The following SNX25 variants were observed in gnomAD, a reference collection of about 807,000 sequenced individuals.
SNX25 encodes sorting nexin-25.
A neutral mutation model predicts 113.7 loss-of-function variants in SNX25; 62 were observed. The ratio of observed to expected loss-of-function variants is 0.55; its 90% CI spans 0.44 to 0.67. SNX25 has a LOEUF of 0.67. Among genes scored for constraint, SNX25 ranks in the 30% least tolerant of loss-of-function variants. SNX25 has a pLI of 0.00. For missense variants in SNX25, 1,014 were observed against 1,161.0 expected, an observed-to-expected ratio of 0.87 and a Z score of 1.84; for synonymous variants, 421 against 436.2, an observed-to-expected ratio of 0.97 and a Z score of 0.43.
intron 5 of SNX25, among the ~76,000 whole-genome samples, chr4:185,281,842 G>A (rs1309146205): frequency 1.3e-5 from 2 of 151,792 alleles, no homozygotes; most frequent in African/African-American, 2.4e-5. Context: ...ATGGTGAAAC[G>A]TCATCTCTAC....
chr4:185,346,584 G>T lies in SNX25; in HGVS notation c.2235G>T (p.Leu745=). Residue 745 remains leucine, a synonymous_variant, in exon 13 of 19, where the codon CTG becomes CTT. Transcript: ENST00000652585. ...TCCAGTTGCCTTCTCTTAGCAAGCT[G>T]CCTTTCAAATCTATAGATCAAAAGT... ...KKVQLPSLSK[L]PFKSIDQKFM... 1 of 1,597,268 alleles carries T rather than the reference G, an allele frequency of 6.3e-7. No individual in the cohort carries two copies. The highest frequency in any genetic ancestry group is 2.3e-5 in the East Asian group (1 of 44,112).
At chr4:185,244,678 G>T (rs953820164) in intron 1 of SNX25, among the ~76,000 whole-genome samples, 7 of 152,030 alleles carry the variant, frequency 4.6e-5, no homozygotes, top group Non-Finnish European at 7.4e-5. Context: ...ATATGATTAT[G>T]ATTAAGATTT....
downstream of SNX25, among the ~76,000 whole-genome samples, chr4:185,367,835 T>C (rs1404522199): frequency 6.6e-6 from 1 of 152,160 alleles, no homozygotes; most frequent in Non-Finnish European, 1.5e-5. Context: ...AGTTTTCACC[T>C]TCAGAGAAAA....
chr4:185,216,279 AAGG>A (rs1738795779), intron 1 of SNX25, among the ~76,000 whole-genome samples: 1 of 152,198 alleles, frequency 6.6e-6, no homozygotes, highest in Non-Finnish European at 1.5e-5. Flanking sequence ...ATGTATTCAA[AAGG>A]AGAAGTTTTT....
chr4:185,345,217 CT>C (rs1287123513), intron 12 of SNX25, among the ~76,000 whole-genome samples: 4 of 152,178 alleles, frequency 2.6e-5, no homozygotes, highest in Non-Finnish European at 5.9e-5. Context: ...TACCCCTGCC[CT>C]TTCCTACGGT....
intron 9 of SNX25, among the ~76,000 whole-genome samples, chr4:185,325,054 C>T (rs953855137): frequency 6.6e-6 from 1 of 152,170 alleles, no homozygotes; most frequent in African/African-American, 2.4e-5. Context: ...GATTTTGTTT[C>T]CAAACCAAGA....
chr4:185,283,207 A>G (rs1186088871), intron 5 of SNX25, among the ~76,000 whole-genome samples: 4 of 152,234 alleles, frequency 2.6e-5, no homozygotes, highest in Non-Finnish European at 2.9e-5. Context: ...GACTATAAGT[A>G]GCTAAGTAGG....
intron 5 of SNX25, among the ~76,000 whole-genome samples, chr4:185,280,887 G>A (rs1163066449): frequency 6.6e-6 from 1 of 152,190 alleles, no homozygotes; most frequent in African/African-American, 2.4e-5. Flanking sequence ...CAGTTATGGG[G>A]TTTCTGGACT....
chr4:185,285,742 G>A (rs1454702958), intron 5 of SNX25, among the ~76,000 whole-genome samples: 5 of 152,184 alleles, frequency 3.3e-5, no homozygotes, highest in East Asian at 1.9e-4. Flanking sequence ...AACTCCTCCC[G>A]TCTTCTTACT....
At chr4:185,281,402 G>T (rs895790800) in intron 5 of SNX25, among the ~76,000 whole-genome samples, 12 of 152,060 alleles carry the variant, frequency 7.9e-5, no homozygotes, top group African/African-American at 2.9e-4. Context: ...ACCCTATAAA[G>T]AAAAATTACT....
rs548555320 is a variant in SNX25, at chr4:185,286,324, T to C, written c.1092-1688T>C. Among the ~76,000 whole-genome samples, 20 of 152,178 alleles carry C rather than the reference T, an allele frequency of 1.3e-4. No individual in the cohort carries two copies. In the South Asian group the frequency reaches 4.1e-3, roughly 32 times the overall value. On this transcript the variant is annotated intron_variant, in intron 5 of 18. Coordinates refer to ENST00000652585, the MANE Select transcript of SNX25 (RefSeq NM_001378034.2). ...AGAGATGAGATCTCACTATACTGCCTAGGCTCTTGAACTCCTGGCCTCAAA... is the reference window on the plus strand; with the variant it reads ...AGAGATGAGATCTCACTATACTGCCCAGGCTCTTGAACTCCTGGCCTCAAA...
At chr4:185,285,815 C>G (rs1325866427) in intron 5 of SNX25, among the ~76,000 whole-genome samples, 2 of 152,158 alleles carry the variant, frequency 1.3e-5, no homozygotes, top group Admixed American at 1.3e-4. Context: ...CTCTGTTGCC[C>G]AGGCTGGAGT....
chr4:185,285,799 G>A (rs977777751), intron 5 of SNX25, among the ~76,000 whole-genome samples: 1 of 152,120 alleles, frequency 6.6e-6, no homozygotes, highest in Admixed American at 6.5e-5. Flanking sequence ...TTGAGACGGG[G>A]TCTTGCTCTG....
the SNX25 span, among the ~76,000 whole-genome samples, chr4:185,376,572 G>A: frequency 3.9e-4 from 59 of 151,920 alleles, no homozygotes; most frequent in Non-Finnish European, 4.1e-4. Flanking sequence ...GGGATTACAG[G>A]CGTGAGCCAC....
In SNX25 at chr4:185,303,938, TA is replaced by T. The variant is rs751333620; in HGVS notation, c.1163-6696del. Reference sequence around the variant, plus strand: ...GCCTCAGGTTGAAAAGTAAGGCAAATATTTTTTTGAGTTCCTTAGCAACTGT... The same window carrying T: ...GCCTCAGGTTGAAAAGTAAGGCAAATTTTTTTTGAGTTCCTTAGCAACTGT... On this transcript the variant is annotated intron_variant, in intron 6 of 18. Transcript: ENST00000652585. Among the ~76,000 whole-genome samples the T allele has an allele frequency of 4.1e-4, 63 of 152,254 alleles. 1 individual carries two copies. The highest frequency in any genetic ancestry group is 7.4e-4 in the Non-Finnish European group (50 of 68,020).
chr4:185,374,311 A>G (rs369862691), downstream of SNX25: 21 of 1,614,000 alleles, frequency 1.3e-5, no homozygotes, highest in Non-Finnish European at 1.7e-5. Flanking sequence ...GTTCTCAGGT[A>G]GGATTACCTT....
At chr4:185,223,733 A>G (rs996768793) in intron 1 of SNX25, among the ~76,000 whole-genome samples, 24 of 106,160 alleles carry the variant, frequency 2.3e-4, no homozygotes, top group Non-Finnish European at 3.5e-4. Context: ...GTGAGCCGAG[A>G]TCGTGCCGAA....
intron 1 of SNX25, among the ~76,000 whole-genome samples, chr4:185,228,401 T>C (rs910349943): frequency 1.3e-5 from 2 of 152,050 alleles, no homozygotes; most frequent in Admixed American, 6.6e-5. Flanking sequence ...TGGGGGCACA[T>C]GGAGAGAACT....
At chr4:185,340,595 CAG>C (rs1205584336) in intron 11 of SNX25, among the ~76,000 whole-genome samples, 1 of 152,132 alleles carries the variant, frequency 6.6e-6, no homozygotes, top group African/African-American at 2.4e-5. Flanking sequence ...GTAATGGACT[CAG>C]GGGAATGTAA....
Sources: allele counts gnomAD v4.1 joint callset (sites outside exome capture counted in the v4.1 genomes callset), GRCh38; gene constraint gnomAD v4.1.1; transcripts MANE v1.5; gene names NCBI Gene and HGNC (gene_info 2026-07-23, HGNC 2026-07-21).